ANGPT4: variants seen among roughly 807,000 people sequenced by gnomAD.
ANGPT4 encodes the protein angiopoietin-4.
A neutral mutation model predicts 53.0 loss-of-function variants in ANGPT4; 50 were observed. That is an observed-to-expected ratio of 0.94 (90% CI 0.75 to 1.20). The LOEUF (loss-of-function observed/expected upper bound fraction) is 1.20, where lower values mean the gene tolerates loss of function less well. Ranked by LOEUF, ANGPT4 falls within the 50% of genes most tolerant of loss-of-function variation. The pLI, the probability that ANGPT4 is intolerant of heterozygous loss-of-function variation, is 0.00. For missense variants in ANGPT4, 648 were observed against 637.1 expected, an observed-to-expected ratio of 1.02 and a Z score of -0.18; for synonymous variants, 251 against 259.7, an observed-to-expected ratio of 0.97 and a Z score of 0.32.
intron 8 of ANGPT4, among the ~76,000 whole-genome samples, chr20:873,666 C>T (rs6055466): frequency 1.2e-4 from 19 of 152,152 alleles, no homozygotes; most frequent in African/African-American, 4.3e-4. Context: ...GTTTGTCTCC[C>T]GGCCTCTCCT....
chr20:893,503 T>C (rs981220801), intron 1 of ANGPT4, among the ~76,000 whole-genome samples: 9 of 152,244 alleles, frequency 5.9e-5, no homozygotes, highest in African/African-American at 2.2e-4. Flanking sequence ...CCAAGAGGTC[T>C]GAGGATCCAA....
At chr20:900,929 T>C (rs1982259030) in intron 1 of ANGPT4, among the ~76,000 whole-genome samples, 1 of 152,132 alleles carries the variant, frequency 6.6e-6, no homozygotes, top group African/African-American at 2.4e-5. Context: ...GTTTCTCAAT[T>C]CACACAAAAC....
At chr20:874,605 C>T (rs1600038353) in intron 7 of ANGPT4, among the ~76,000 whole-genome samples, 191 bp from the exon 8 acceptor site, 1 of 152,222 alleles carries the variant, frequency 6.6e-6, no homozygotes, top group Admixed American at 6.5e-5. Context: ...TGCCTGCTGC[C>T]TCCCAGGGAC....
At chr20:883,575 C>T (rs776483402) in intron 4 of ANGPT4, among the ~76,000 whole-genome samples, 30 of 152,270 alleles carry the variant, frequency 2.0e-4, no homozygotes, top group Non-Finnish European at 3.4e-4. Flanking sequence ...TCAGTTTCTC[C>T]ATCCAGAAGG....
At position 881,825 on chromosome 20, in the gene ANGPT4, G is replaced by A. The variant is rs114007817; in HGVS notation, c.836-539C>T. Among the ~76,000 whole-genome samples the A allele has an allele frequency of 5.8e-3, 877 of 152,352 alleles. 8 individuals are homozygous for A. The highest frequency in any genetic ancestry group is 0.02 in the African/African-American group (818 of 41,564). On this transcript the variant is annotated intron_variant, in intron 4 of 8. Transcript: ENST00000381922. ...AGAGCACTCTGTCCAGAGTGTGGAGGGGGGCCTGGAGGGGATGAGACTCAA... is the reference window on the plus strand; with the variant it reads ...AGAGCACTCTGTCCAGAGTGTGGAGAGGGGCCTGGAGGGGATGAGACTCAA...
At chr20:873,248 G>C (rs1981018990) in intron 8 of ANGPT4, 128 bp from the exon 9 acceptor site, 2 of 851,718 alleles carry the variant, frequency 2.3e-6, no homozygotes, top group Admixed American at 5.5e-5. Context: ...AAGCCAGCTG[G>C]CTGGGGATGG....
chr20:916,116 G>T lies in ANGPT4; in HGVS notation c.99C>A (p.Cys33Ter). 6.2e-7 allele frequency: 1 copy of T among 1,614,178 alleles called. No individual in the cohort carries two copies. The stretch of plus-strand genomic sequence containing the variant: ...GGCCGTGCTGGACTACAAGTGTCTC[G>T]CAGCCCCTATCCGCCTCCTGCCTTG... Reference protein sequence around the residue: ...QQTRQEADRGCETLVVQHGHC... With the variant: ...QQTRQEADRG The change falls in exon 1 of 9, where the codon TGC becomes TGA. Residue 33 changes from cysteine to a stop codon, truncating the protein, a stop_gained. Transcript: ENST00000381922. LOFTEE classifies it high-confidence loss of function.
In ANGPT4 at chr20:885,299, A is replaced by G; in HGVS notation, c.614T>C (p.Leu205Pro). The change falls in exon 4 of 9, where the codon CTG (leucine) becomes CCG (proline). Residue 205 changes from leucine to proline, a missense_variant. Leu to Pro is a moderately conservative substitution (Grantham distance 98). Coordinates refer to ENST00000381922, the MANE Select transcript of ANGPT4 (RefSeq NM_015985.4). The part of the protein sequence containing the change: ...NSALEKRLQA[L>P]ETKQQEELAS... ...CAGCTCCTCCTGCTGCTTGGTCTCC[A>G]GGGCCTGCAACCGCTTCTCGAGCGC... 1 of 1,584,812 alleles carries G rather than the reference A, an allele frequency of 6.3e-7. No individual in the cohort carries two copies. Among genetic ancestry groups the G allele is most frequent in the Non-Finnish European group, 8.6e-7 (1 of 1,168,932 alleles).
At chr20:879,714 C>A (rs1981316551) in intron 6 of ANGPT4, 33 bp downstream of exon 6, 3 of 1,587,064 alleles carry the variant, frequency 1.9e-6, no homozygotes, top group Non-Finnish European at 2.6e-6. Context: ...GGTTTCAGAG[C>A]AGAATGGCCC....
intron 6 of ANGPT4, among the ~76,000 whole-genome samples, chr20:879,494 A>G (rs1028302161): frequency 2.0e-5 from 3 of 152,304 alleles, no homozygotes; most frequent in Admixed American, 6.5e-5. Context: ...TTAGAAATGT[A>G]TATGTATTTT....
At position 873,104 on chromosome 20, in the gene ANGPT4, G is replaced by A. The variant is rs773526994; in HGVS notation, c.1368C>T (p.Ala456=). ...CGCCGTTGAGGTTTGACAGGCCACA[G>A]GCGTCAAACCACCACCCTGGTGGAA... ...QVMSGGWWFD[A]CGLSNLNGVY... The change falls in exon 9 of 9, where the codon GCC becomes GCT. Residue 456 remains alanine (A), a synonymous_variant. Coordinates refer to ENST00000381922, the MANE Select transcript of ANGPT4 (RefSeq NM_015985.4). 1.2e-6 allele frequency: 2 copies of A among 1,613,786 alleles called. No individual in the cohort carries two copies. Among genetic ancestry groups the A allele is most frequent in the South Asian group, 2.2e-5 (2 of 91,078 alleles).
chr20:908,164 C>T lies in ANGPT4; in HGVS notation c.309+7742G>A, dbSNP rs1314282368. 6.6e-6 allele frequency among the ~76,000 whole-genome samples: 1 copy of T among 152,116 alleles called. No individual in the cohort carries two copies. The highest frequency in any genetic ancestry group is 1.5e-5 in the Non-Finnish European group (1 of 68,030). On this transcript the variant is annotated intron_variant, in intron 1 of 8. Transcript: ENST00000381922. The surrounding 1 kb of genome is among the most constrained non-coding windows in gnomAD (Gnocchi z 4.9). ...GTCCACAGTCTATCAGAGAATGATC[C>T]TCAGTGAGGACAGGACAGAAAAGTG...
intron 4 of ANGPT4, 145 bp downstream of exon 4, chr20:884,933 T>G: frequency 8.5e-7 from 1 of 1,174,050 alleles, no homozygotes; most frequent in Non-Finnish European, 1.2e-6. Context: ...TTACTGTTTA[T>G]TGTTGTTTCT....
intron 1 of ANGPT4, among the ~76,000 whole-genome samples, chr20:910,647 GAGA>G (rs1277054523): frequency 1.3e-5 from 2 of 152,234 alleles, no homozygotes; most frequent in African/African-American, 2.4e-5. Context: ...CAAGGAGAAG[GAGA>G]AGAAGGTCTG....
At position 916,082 on chromosome 20, in the gene ANGPT4, A is replaced by G. The variant is rs746957688; in HGVS notation, c.133T>C (p.Tyr45His). Residue 45 changes from tyrosine (Y) to histidine (H), a missense_variant, in exon 1 of 9, where the codon TAC becomes CAC. Transcript: ENST00000381922. ...TLVVQHGHCS[Y>H]TFLLPKSEPC... Reference sequence around the variant, plus strand: ...TCAGACTTGGGCAGCAAGAAGGTGTAGCTACAGTGGCCGTGCTGGACTACA... The same window carrying G: ...TCAGACTTGGGCAGCAAGAAGGTGTGGCTACAGTGGCCGTGCTGGACTACA... 12 of 1,614,212 alleles carry G rather than the reference A, an allele frequency of 7.4e-6. No individual in the cohort carries two copies. The highest frequency in any genetic ancestry group is 1.0e-5 in the Non-Finnish European group (12 of 1,180,018).
chr20:915,232 C>G (rs570986276), intron 1 of ANGPT4, among the ~76,000 whole-genome samples: 5 of 151,982 alleles, frequency 3.3e-5, no homozygotes, highest in South Asian at 2.1e-4. Flanking sequence ...TGGCCCCCCC[C>G]CCAGCTGCAT....
rs1981260938 is a variant in ANGPT4 at position 878,443 on chromosome 20, T to C, written c.1054-116A>G. On this transcript the variant is annotated intron_variant, in intron 6 of 8. Transcript: ENST00000381922. ...ACTTATACAAAACCACTGTGCTTAATGATCGAGTTCATAAGTACAGTGTAG... is the reference window on the plus strand; with the variant it reads ...ACTTATACAAAACCACTGTGCTTAACGATCGAGTTCATAAGTACAGTGTAG... The C allele has an allele frequency of 2.9e-6, 3 of 1,045,958 alleles. No individual in the cohort carries two copies. The East Asian group carries it at 7.9e-5, about 28-fold the overall frequency. The allele number at this position is 1,045,958 out of a possible 1,614,324, so 64.8% of individuals were successfully genotyped here. A position where few individuals can be genotyped will look rare whatever the true frequency, so the allele number is the denominator to read the frequency against.
rs987842287 is a variant in ANGPT4, at chr20:889,234, T to C, written c.466-795A>G. On this transcript the variant is annotated intron_variant, in intron 2 of 8. Transcript: ENST00000381922. ...CTCTCTCTTCCATGCTATTTTCTCC[T>C]TAGCGCTGTCACTGGCTAACATATG... 2.6e-5 allele frequency among the ~76,000 whole-genome samples: 4 copies of C among 151,180 alleles called. No homozygotes were observed. In the South Asian group the frequency reaches 8.4e-4, roughly 32 times the overall value.
intron 1 of ANGPT4, among the ~76,000 whole-genome samples, chr20:893,043 C>T (rs1483740159): frequency 6.6e-6 from 1 of 152,222 alleles, no homozygotes; most frequent in South Asian, 2.1e-4. Context: ...GGCAGGGCCC[C>T]CATGGCCCAG....
Sources: allele counts gnomAD v4.1 joint callset (sites outside exome capture counted in the v4.1 genomes callset), GRCh38; gene constraint gnomAD v4.1.1; non-coding constraint Gnocchi (gnomAD v3.1); transcripts MANE v1.5; gene names NCBI Gene and HGNC (gene_info 2026-07-23, HGNC 2026-07-21).